NEBL: variants seen among roughly 807,000 people sequenced by gnomAD.
NEBL encodes the protein nebulette.
NEBL carries 122 observed loss-of-function variants against 140.2 expected under a neutral mutation model. The ratio of observed to expected loss-of-function variants is 0.87; its 90% CI spans 0.75 to 1.01. NEBL has a LOEUF of 1.01. Ranked by LOEUF, NEBL falls within the 50% of genes least tolerant of loss-of-function variation. The pLI is 0.00. For synonymous variants in NEBL, 436 were observed against 398.9 expected (o/e 1.09, Z -1.11); for missense variants, 1,365 against 1,231.3 (o/e 1.11, Z -1.62).
intron 2 of NEBL, among the ~76,000 whole-genome samples, chr10:21,107,847 C>G (rs897741931): frequency 6.6e-6 from 1 of 152,148 alleles, no homozygotes; most frequent in Admixed American, 6.5e-5. Context: ...AATTTCAGAA[C>G]CTGTCATTGG....
upstream of NEBL, among the ~76,000 whole-genome samples, chr10:20,901,096 A>G (rs550480892): frequency 6.6e-6 from 1 of 152,264 alleles, no homozygotes; most frequent in East Asian, 1.9e-4. Flanking sequence ...CCACCAATAA[A>G]GGTACACAGT....
intron 26 of NEBL, among the ~76,000 whole-genome samples, chr10:20,800,914 G>A (rs1321028765): frequency 3.3e-5 from 5 of 152,106 alleles, no homozygotes; most frequent in African/African-American, 4.8e-5. Flanking sequence ...GTAGGTCACT[G>A]GTCCTCTAAA....
At chr10:20,819,154 T>G (rs1839024763) in intron 20 of NEBL, 3 of 866,456 alleles carry the variant, frequency 3.5e-6, no homozygotes, top group Non-Finnish European at 3.2e-6. Context: ...TACAGATGAC[T>G]TCATCACCCC....
At chr10:21,038,803 G>A (rs1296100979) in intron 2 of NEBL, among the ~76,000 whole-genome samples, 2 of 152,128 alleles carry the variant, frequency 1.3e-5, no homozygotes, top group African/African-American at 4.8e-5. Flanking sequence ...TTCTACAATG[G>A]TTGAACTAAT....
chr10:21,057,542 C>CTTTTTTTTTTTTTTTTTTT, intron 2 of NEBL, among the ~76,000 whole-genome samples: 1 of 71,728 alleles, frequency 1.4e-5, no homozygotes, highest in Non-Finnish European at 2.3e-5. Flanking sequence ...AATGAAATTC[C>CTTTTTTTTTTTTTTTTTTT]TTTTTTTTTT....
At chr10:20,967,277 T>C (rs1006217822) in intron 3 of NEBL, among the ~76,000 whole-genome samples, 1 of 152,174 alleles carries the variant, frequency 6.6e-6, no homozygotes, top group African/African-American at 2.4e-5. Flanking sequence ...AAGTGAATCA[T>C]GGATCTATGT....
At chr10:21,086,328 T>C (rs1362362932) in intron 2 of NEBL, among the ~76,000 whole-genome samples, 1 of 152,290 alleles carries the variant, frequency 6.6e-6, no homozygotes, top group East Asian at 1.9e-4. Context: ...TTTCTGTCAA[T>C]TGTGCTAAGA....
At chr10:21,169,471 C>A (rs73609215) in intron 2 of NEBL, among the ~76,000 whole-genome samples, 2 of 152,060 alleles carry the variant, frequency 1.3e-5, no homozygotes, top group Non-Finnish European at 2.9e-5. Context: ...ACATGCACCA[C>A]GTGAATTAGA....
At chr10:20,994,675 GATAAC>G (rs928556861) in intron 3 of NEBL, among the ~76,000 whole-genome samples, 57 of 152,266 alleles carry the variant, frequency 3.7e-4, no homozygotes, top group African/African-American at 1.3e-3. Flanking sequence ...AAGCTTTACT[GATAAC>G]ATAAACAGTC....
intron 2 of NEBL, among the ~76,000 whole-genome samples, chr10:21,022,944 C>G (rs985311125): frequency 2.0e-5 from 3 of 152,102 alleles, no homozygotes. Context: ...ATGCTGAAGT[C>G]AGACAAAATG....
chr10:21,031,941 T>C (rs1032925920), intron 2 of NEBL, among the ~76,000 whole-genome samples: 17 of 152,224 alleles, frequency 1.1e-4, no homozygotes, highest in African/African-American at 4.1e-4. Flanking sequence ...CAGCCTATTA[T>C]ATGAGATAAC....
At chr10:21,030,149 C>T in intron 2 of NEBL, 1 of 474,774 alleles carries the variant, frequency 2.1e-6, no homozygotes, top group South Asian at 1.9e-5. Flanking sequence ...AGAATGGCTA[C>T]AGAAGGAACA....
At position 20,789,953 on chromosome 10, in the gene NEBL, G is replaced by A. The variant is rs1435956802; in HGVS notation, c.2762-2645C>T. On this transcript the variant is annotated intron_variant, in intron 26 of 27. Transcript: ENST00000377122. Reference sequence around the variant, plus strand: ...TATATGTGTATATATATATGTGTGTGTATATATATATATATACACACACAC... The same window carrying A: ...TATATGTGTATATATATATGTGTGTATATATATATATATATACACACACAC... 6.1e-5 allele frequency among the ~76,000 whole-genome samples: 9 copies of A among 146,430 alleles called. No homozygotes were observed. In the South Asian group the frequency reaches 6.4e-4, roughly 10 times the overall value.
chr10:20,901,331 C>A (rs1847860530), upstream of NEBL, among the ~76,000 whole-genome samples: 1 of 152,128 alleles, frequency 6.6e-6, no homozygotes, highest in African/African-American at 2.4e-5. Flanking sequence ...CTCAGAGACA[C>A]AGCCGTGGCC....
intron 26 of NEBL, among the ~76,000 whole-genome samples, chr10:20,788,364 G>T (rs759631898): frequency 6.6e-6 from 1 of 151,974 alleles, no homozygotes; most frequent in Non-Finnish European, 1.5e-5. Context: ...AATTATAATG[G>T]GTTGATTTAT....
intron 3 of NEBL, among the ~76,000 whole-genome samples, chr10:21,210,396 A>G (rs1373224250): frequency 6.6e-6 from 1 of 152,222 alleles, no homozygotes; most frequent in Non-Finnish European, 1.5e-5. Context: ...CTGTCTCAAA[A>G]AAAAGAAAGA....
At chr10:20,793,391 C>G (rs1184442186) in intron 26 of NEBL, 3 of 971,462 alleles carry the variant, frequency 3.1e-6, no homozygotes, top group Non-Finnish European at 3.7e-6. Flanking sequence ...AAAGGAAGGA[C>G]AGGAGATTAA....
At chr10:20,919,574 G>A (rs1227690538) in intron 4 of NEBL, among the ~76,000 whole-genome samples, 1 of 152,078 alleles carries the variant, frequency 6.6e-6, no homozygotes, top group East Asian at 1.9e-4. Context: ...CAGGACAAAC[G>A]TCATCCAAGA....
chr10:21,133,088 G>A (rs1332794442), intron 2 of NEBL, among the ~76,000 whole-genome samples: 1 of 152,132 alleles, frequency 6.6e-6, no homozygotes, highest in Non-Finnish European at 1.5e-5. Context: ...TTTCCTCTTA[G>A]AGTGTTTTAG....
Sources: allele counts gnomAD v4.1 joint callset (sites outside exome capture counted in the v4.1 genomes callset), GRCh38; gene constraint gnomAD v4.1.1; transcripts MANE v1.5; gene names NCBI Gene and HGNC (gene_info 2026-07-23, HGNC 2026-07-21).